GNPTAB: variants seen among roughly 807,000 people sequenced by gnomAD.
GNPTAB encodes the protein N-acetylglucosamine-1-phosphate transferase subunits alpha and beta.
In GNPTAB, 92 loss-of-function variants were observed where a neutral mutation model predicts 136.6. That is an observed-to-expected ratio of 0.67 (90% CI 0.57 to 0.80). The LOEUF is 0.80. Among genes scored for constraint, GNPTAB ranks in the 30% least tolerant of loss-of-function variants. The probability of loss-of-function intolerance (pLI) is 0.00; values close to 1 mark genes in which losing one functional copy is unlikely to be tolerated. For synonymous variants in GNPTAB, 512 were observed against 535.1 expected (o/e 0.96, Z 0.60); for missense variants, 1,343 against 1,501.8 (o/e 0.89, Z 1.75).
chr12:101,751,295 G>A (rs1398714439), intron 19 of GNPTAB, among the ~76,000 whole-genome samples: 2 of 152,136 alleles, frequency 1.3e-5, no homozygotes, highest in Admixed American at 6.5e-5. Flanking sequence ...TCCTGTAACA[G>A]AATCAGCTGG....
At chr12:101,750,951 G>T (rs1952807199) in intron 19 of GNPTAB, among the ~76,000 whole-genome samples, 3 of 152,028 alleles carry the variant, frequency 2.0e-5, no homozygotes, top group Admixed American at 2.0e-4. Context: ...CTAGTGAAAT[G>T]CTTATATACT....
intron 1 of GNPTAB, among the ~76,000 whole-genome samples, chr12:101,811,308 A>T (rs1870218727): frequency 6.6e-6 from 1 of 152,232 alleles, no homozygotes; most frequent in Admixed American, 6.5e-5. Context: ...GACAGCATGT[A>T]AATAAATGGA....
chr12:101,770,385 A>G, intron 9 of GNPTAB, 21 bp downstream of exon 9: 2 of 1,570,966 alleles, frequency 1.3e-6, no homozygotes, highest in Non-Finnish European at 1.8e-6. Flanking sequence ...ACAGTCTTGT[A>G]ATTTTTAGAA....
At chr12:101,830,353 G>A (rs984494801) in intron 1 of GNPTAB, among the ~76,000 whole-genome samples, 6 of 152,320 alleles carry the variant, frequency 3.9e-5, no homozygotes, top group Middle Eastern at 3.4e-3. Flanking sequence ...GGCCGGGAGC[G>A]GTGGCTCACG....
intron 2 of GNPTAB, among the ~76,000 whole-genome samples, chr12:101,795,470 A>G (rs1869223639): frequency 6.6e-6 from 1 of 152,230 alleles, no homozygotes; most frequent in African/African-American, 2.4e-5. Context: ...AAATGAGAAT[A>G]GGCCGAGAGC....
At chr12:101,777,232 G>C (rs1230959990) in intron 7 of GNPTAB, among the ~76,000 whole-genome samples, 1 of 152,186 alleles carries the variant, frequency 6.6e-6, no homozygotes, top group Non-Finnish European at 1.5e-5. Context: ...CTTTTGCATG[G>C]GAACGTCTTA....
Position 101,765,613 on chromosome 12 carries a change from A to G in GNPTAB, c.1613-309T>C. On this transcript the variant is annotated intron_variant, in intron 12 of 20. Transcript: ENST00000299314. ...TATTTCACTATCTGAGGCAGTCACA[A>G]TAATTACCATGAAATAGTGATCCTG... 1.0e-5 allele frequency: 4 copies of G among 388,188 alleles called. No homozygotes were observed. In the South Asian group the frequency reaches 1.0e-4, roughly 10 times the overall value. 24.0% of individuals were successfully genotyped at this position (388,188 alleles called of 1,614,324 possible).
chr12:101,814,392 G>A (rs553182573), intron 1 of GNPTAB, among the ~76,000 whole-genome samples: 54 of 152,246 alleles, frequency 3.5e-4, no homozygotes, highest in African/African-American at 1.2e-3. Flanking sequence ...TTAAAACTGA[G>A]GAAAAATTTA....
At chr12:101,785,357 C>T (rs949348870) in intron 5 of GNPTAB, among the ~76,000 whole-genome samples, 7 of 152,192 alleles carry the variant, frequency 4.6e-5, no homozygotes, top group African/African-American at 1.7e-4. Context: ...CACATACCAC[C>T]ATGTCCAGCT....
chr12:101,761,650 A>T lies in GNPTAB; in HGVS notation c.2829T>A (p.Asn943Lys). 7.4e-6 allele frequency: 12 copies of T among 1,614,134 alleles called. No individual in the cohort carries two copies. Among genetic ancestry groups the T allele is most frequent in the African/African-American group, 1.3e-5 (1 of 75,064 alleles). ...TCCGCGATGTGAATCCAAACTTGCTATTTAGAATTTTATTTACATATCTGA... is the reference window on the plus strand; with the variant it reads ...TCCGCGATGTGAATCCAAACTTGCTTTTTAGAATTTTATTTACATATCTGA... The part of the protein sequence containing the change: ...DSLRYVNKIL[N>K]SKFGFTSRKV... Residue 943 changes from asparagine to lysine, a missense_variant, in exon 14 of 21, where the codon AAT becomes AAA. Physicochemically the swap from Asn to Lys is moderately conservative, Grantham distance 94. Transcript: ENST00000299314.
chr12:101,766,081 G>A lies in GNPTAB; in HGVS notation c.1612+10C>T, dbSNP rs763808896. 19 of 1,611,632 alleles carry A rather than the reference G, an allele frequency of 1.2e-5. No homozygotes were observed. The East Asian group carries it at 4.2e-4, about 36-fold the overall frequency. On this transcript the variant is annotated intron_variant, in intron 12 of 20. Coordinates refer to ENST00000299314, the MANE Select transcript of GNPTAB (RefSeq NM_024312.5). ...TGCTCCCATTCTTATTTGTTTGGCA[G>A]TAAACATACCTTGCCCACAGTCGCC...
chr12:101,828,298 G>A (rs1200241745), intron 1 of GNPTAB, among the ~76,000 whole-genome samples: 1 of 152,126 alleles, frequency 6.6e-6, no homozygotes, highest in South Asian at 2.1e-4. Context: ...AGCTCAGAGA[G>A]GTTAAATATC....
intron 1 of GNPTAB, among the ~76,000 whole-genome samples, chr12:101,803,271 T>C (rs1225016166): frequency 6.6e-6 from 1 of 152,222 alleles, no homozygotes; most frequent in South Asian, 2.1e-4. Context: ...TTGTTTTGCA[T>C]GGAGGCACTA....
chr12:101,781,241 A>T (rs1470236395), intron 5 of GNPTAB, among the ~76,000 whole-genome samples: 1 of 152,214 alleles, frequency 6.6e-6, no homozygotes, highest in African/African-American at 2.4e-5. Context: ...CACTGCTGAC[A>T]TTCAGGGATT....
intron 12 of GNPTAB, chr12:101,765,756 C>T: frequency 2.8e-6 from 1 of 359,912 alleles, no homozygotes; most frequent in South Asian, 2.5e-5. Context: ...ACGCTATCAA[C>T]AAAATCCAGT....
chr12:101,770,465 C>T lies in GNPTAB; in HGVS notation c.1054G>A (p.Gly352Arg), dbSNP rs777908908. Residue 352 changes from glycine (G) to arginine (R), a missense_variant, in exon 9 of 21, where the codon GGG (glycine) becomes AGG (arginine). By Grantham distance (125) the Gly-to-Arg change is moderately radical. Coordinates refer to ENST00000299314, the MANE Select transcript of GNPTAB (RefSeq NM_024312.5). ...AGGTTCAGCCAGGATGGAATCTGCCCGTTGGTGACAATGAAAATATTCCGA... is the reference window on the plus strand; with the variant it reads ...AGGTTCAGCCAGGATGGAATCTGCCTGTTGGTGACAATGAAAATATTCCGA... ...WVRNIFIVTN[G>R]QIPSWLNLDN... 1.2e-5 allele frequency: 20 copies of T among 1,613,620 alleles called. No homozygotes were observed. In the East Asian group the frequency reaches 2.5e-4, roughly 20 times the overall value.
At chr12:101,771,203 G>T in intron 7 of GNPTAB, 46 bp from the exon 8 acceptor site, 1 of 1,508,692 alleles carries the variant, frequency 6.6e-7, no homozygotes, top group Non-Finnish European at 9.2e-7. Flanking sequence ...TGAATCTCAA[G>T]GATGAAGCAC....
rs376710229 is a variant in GNPTAB at position 101,820,759 on chromosome 12, G to T, written c.117+9800C>A. Among the ~76,000 whole-genome samples the T allele has an allele frequency of 6.6e-4, 100 of 152,198 alleles. 3 individuals are homozygous for T. Among genetic ancestry groups the T allele is most frequent in the African/African-American group, 2.3e-3 (97 of 41,528 alleles). On this transcript the variant is annotated intron_variant, in intron 1 of 20. Coordinates refer to ENST00000299314, the MANE Select transcript of GNPTAB (RefSeq NM_024312.5). ...TACGGTTGAACTCAAACAGCATCAA[G>T]CAAGAAAGCATCTCCCAGCTGGGCA...
intron 5 of GNPTAB, among the ~76,000 whole-genome samples, chr12:101,782,380 T>C (rs1868392392): frequency 6.6e-6 from 1 of 152,138 alleles, no homozygotes; most frequent in Non-Finnish European, 1.5e-5. Flanking sequence ...CCACACTGAA[T>C]TTCCATCACA....
Sources: gnomAD v4.1 joint callset for allele counts (sites outside exome capture counted in the v4.1 genomes callset) on GRCh38, gnomAD v4.1.1 for gene constraint, MANE v1.5 for transcripts, NCBI Gene and HGNC (gene_info 2026-07-23, HGNC 2026-07-21) for gene names.